Variants in DHX36 observed in about 807,000 individuals in gnomAD.
DHX36 encodes ATP-dependent DNA/RNA helicase DHX36.
A neutral mutation model predicts 139.0 loss-of-function variants in DHX36; 50 were observed. That is an observed-to-expected ratio of 0.36 (90% CI 0.29 to 0.46). The LOEUF (loss-of-function observed/expected upper bound fraction) is 0.46. Ranked by LOEUF, DHX36 falls within the 20% of genes least tolerant of loss-of-function variation. DHX36 has a pLI of 1.00. For synonymous variants in DHX36, 425 were observed against 401.9 expected, an observed-to-expected ratio of 1.06 and a Z score of -0.69; for missense variants, 1,024 against 1,211.3, an observed-to-expected ratio of 0.85 and a Z score of 2.29.
chr3:154,277,522 T>C (rs1331439326), intron 23 of DHX36, 76 bp downstream of exon 23: 11 of 1,421,880 alleles, frequency 7.7e-6, no homozygotes, highest in African/African-American at 7.2e-5. Flanking sequence ...TTGTATATAA[T>C]TGTTAAAACT....
At chr3:154,307,859 C>G (rs527256721) in intron 5 of DHX36, among the ~76,000 whole-genome samples, 2 of 151,056 alleles carry the variant, frequency 1.3e-5, no homozygotes, top group Admixed American at 6.6e-5. Flanking sequence ...AGTAAAGATA[C>G]GGAATCAATC....
At chr3:154,309,282 C>G (rs915243045) in intron 5 of DHX36, among the ~76,000 whole-genome samples, 1 of 149,746 alleles carries the variant, frequency 6.7e-6, no homozygotes, top group Non-Finnish European at 1.5e-5. Flanking sequence ...TATTTACATA[C>G]TCAAAAAATG....
Position 154,294,008 on chromosome 3 carries a change from A to G in DHX36, c.1606-196T>C, listed in dbSNP as rs565340836. On this transcript the variant is annotated intron_variant, in intron 13 of 24. Coordinates refer to ENST00000496811, the MANE Select transcript of DHX36 (RefSeq NM_020865.3). ...ATATTACAAAATTATCTTTTGGTAAACCACATTAAATCTCCCACAGATGTC... is the reference window on the plus strand; with the variant it reads ...ATATTACAAAATTATCTTTTGGTAAGCCACATTAAATCTCCCACAGATGTC... Among the ~76,000 whole-genome samples the G allele has an allele frequency of 4.6e-5, 7 of 152,326 alleles. No individual in the cohort carries two copies. In the South Asian group the frequency reaches 1.5e-3, roughly 32 times the overall value.
chr3:154,292,582 T>G lies in DHX36; in HGVS notation c.1783A>C (p.Asn595His). The G allele has an allele frequency of 6.2e-7, 1 of 1,614,118 alleles. No individual in the cohort carries two copies. Among genetic ancestry groups the G allele is most frequent in the South Asian group, 1.1e-5 (1 of 91,084 alleles). ...GCTCGACCTTTTCTCTGTTTGGCAT[T>G]AGCTTTACTAACCCACTCAGCGGAC... The part of the protein sequence containing the change: ...TMSAEWVSKA[N>H]AKQRKGRAGR... The change falls in exon 15 of 25, where the codon AAT becomes CAT. Residue 595 changes from asparagine to histidine, a missense_variant. Physicochemically the swap from Asn to His is moderately conservative, Grantham distance 68. Transcript: ENST00000496811.
At chr3:154,285,561 G>A (rs973251469) in intron 17 of DHX36, among the ~76,000 whole-genome samples, 59 of 152,098 alleles carry the variant, frequency 3.9e-4, no homozygotes, top group African/African-American at 1.4e-3. Flanking sequence ...GACATCTAGG[G>A]GAGGTGAGTG....
At position 154,299,834 on chromosome 3, in the gene DHX36, G is replaced by C; in HGVS notation, c.1549+4C>G. ...AATTACAGTAAAATACATTTACATA[G>C]TACCTGATTTAAACATTACTTGTGA... On this transcript the variant is annotated splice_donor_region_variant and intron_variant, in intron 12 of 24. Transcript: ENST00000496811. 6.3e-7 allele frequency: 1 copy of C among 1,585,154 alleles called. No homozygotes were observed. Among genetic ancestry groups the C allele is most frequent in the Middle Eastern group, 1.7e-4 (1 of 5,990 alleles).
rs761178422 is a variant in DHX36 at position 154,280,744 on chromosome 3, A to G, written c.2476+19T>C. On this transcript the variant is annotated intron_variant, in intron 21 of 24. Coordinates refer to ENST00000496811, the MANE Select transcript of DHX36 (RefSeq NM_020865.3). ...CAATAGACAAAAGATACTTATTTAC[A>G]CTGTGTTTCCTGCTGTACCTGAATT... 29 of 1,609,016 alleles carry G rather than the reference A, an allele frequency of 1.8e-5. No homozygotes were observed. The highest frequency in any genetic ancestry group is 2.2e-5 in the Non-Finnish European group (26 of 1,175,872).
At chr3:154,278,292 A>AT (rs138222045) in intron 22 of DHX36, among the ~76,000 whole-genome samples, 1,902 of 149,280 alleles carry the variant, frequency 0.013, 34 homozygotes, top group African/African-American at 0.04. Flanking sequence ...TTCCTAGGTC[A>AT]TTTTTTTTTT....
chr3:154,296,428 C>T (rs1042480347), intron 12 of DHX36, among the ~76,000 whole-genome samples: 1 of 152,040 alleles, frequency 6.6e-6, no homozygotes, highest in Non-Finnish European at 1.5e-5. Flanking sequence ...GAGCCGAGAT[C>T]GCGCCACTGC....
intron 17 of DHX36, among the ~76,000 whole-genome samples, chr3:154,286,260 G>A (rs1042585408): frequency 1.4e-5 from 2 of 147,482 alleles, no homozygotes; most frequent in Admixed American, 1.4e-4. Flanking sequence ...AAGACAAGAA[G>A]GCACACTATC....
intron 4 of DHX36, among the ~76,000 whole-genome samples, chr3:154,310,464 T>G (rs1289645520): frequency 6.6e-6 from 1 of 151,804 alleles, no homozygotes; most frequent in Non-Finnish European, 1.5e-5. Flanking sequence ...TAAAACAATT[T>G]AACTTGAAAA....
chr3:154,307,424 A>G (rs1712545342), intron 5 of DHX36, among the ~76,000 whole-genome samples: 1 of 152,160 alleles, frequency 6.6e-6, no homozygotes, highest in Non-Finnish European at 1.5e-5. Flanking sequence ...CAACAATAAA[A>G]GACAAATCAT....
chr3:154,323,991 A>G (rs1713300557), intron 1 of DHX36, among the ~76,000 whole-genome samples, 183 bp downstream of exon 1: 1 of 152,228 alleles, frequency 6.6e-6, no homozygotes. Context: ...TGGTCAGATG[A>G]GCATGGCTAA....
At position 154,292,737 on chromosome 3, in the gene DHX36, ACAC is replaced by A. The variant is rs1711874924; in HGVS notation, c.1671-46_1671-44del. 1.5e-5 allele frequency: 24 copies of A among 1,567,920 alleles called. No homozygotes were observed. In the Middle Eastern group the frequency reaches 5.1e-4, roughly 33 times the overall value. On this transcript the variant is annotated intron_variant, in intron 14 of 24. Transcript: ENST00000496811. ...ATATAAAATGTTAAAACACACACAC[ACAC>A]ACACACACACACACACACACATCGA...
intron 3 of DHX36, 89 bp downstream of exon 3, chr3:154,314,957 T>C: frequency 1.2e-6 from 1 of 847,602 alleles, no homozygotes; most frequent in Non-Finnish European, 1.8e-6. Context: ...CTCACTGATC[T>C]ATGCCATGCA....
intron 22 of DHX36, among the ~76,000 whole-genome samples, chr3:154,278,097 T>C (rs1322144700): frequency 6.6e-6 from 1 of 152,106 alleles, no homozygotes; most frequent in Non-Finnish European, 1.5e-5. Flanking sequence ...AATTAAGTGA[T>C]TCATACCAAG....
intron 9 of DHX36, among the ~76,000 whole-genome samples, chr3:154,303,045 C>A (rs1259043946): frequency 6.6e-6 from 1 of 152,074 alleles, no homozygotes; most frequent in East Asian, 1.9e-4. Flanking sequence ...CCACTGCACT[C>A]TAGGCTAGGC....
In DHX36 at chr3:154,295,347, T is replaced by A; in HGVS notation, c.1550-8A>T. On this transcript the variant is annotated splice_region_variant and splice_polypyrimidine_tract_variant and intron_variant, in intron 12 of 24. Transcript: ENST00000496811. ...GTATAATTAAAAATTTATCTGAAAA[T>A]TAAAGAGAATTAAATTTTAAGATAA... The A allele has an allele frequency of 7.1e-7, 1 of 1,413,868 alleles. No homozygotes were observed. The highest frequency in any genetic ancestry group is 2.5e-5 in the East Asian group (1 of 40,396). The allele number at this position is 1,413,868 out of a possible 1,614,324, so 87.6% of individuals were successfully genotyped here. A position where few individuals can be genotyped will look rare whatever the true frequency, so the allele number is the denominator to read the frequency against.
At chr3:154,276,631 A>T in intron 24 of DHX36, 116 bp downstream of exon 24, 1 of 1,175,006 alleles carries the variant, frequency 8.5e-7, no homozygotes, top group South Asian at 1.4e-5. Flanking sequence ...TTTCAAAATT[A>T]TTTGCTCTGC....
Sources: gnomAD v4.1 joint callset for allele counts (sites outside exome capture counted in the v4.1 genomes callset) on GRCh38, gnomAD v4.1.1 for gene constraint, MANE v1.5 for transcripts, NCBI Gene and HGNC (gene_info 2026-07-23, HGNC 2026-07-21) for gene names.